The following RYR3 variants were observed in gnomAD, a reference collection of about 807,000 sequenced individuals.
RYR3 encodes the protein brain ryanodine receptor-calcium release channel.
A neutral mutation model predicts 584.3 loss-of-function variants in RYR3; 207 were observed. The observed-to-expected ratio is 0.35, with a 90% CI of 0.32 to 0.40. The LOEUF is 0.40. Ranked by LOEUF, RYR3 falls within the 10% of genes least tolerant of loss-of-function variation. The pLI is 1.00. For missense variants in RYR3, 5,616 were observed against 6,089.2 expected (o/e 0.92, Z 2.59); for synonymous variants, 2,416 against 2,248.5 (o/e 1.07, Z -2.11).
intron 1 of RYR3, among the ~76,000 whole-genome samples, chr15:33,353,540 T>C (rs1308437999): frequency 2.0e-5 from 3 of 152,158 alleles, no homozygotes; most frequent in African/African-American, 7.2e-5. Context: ...CAACTAACCA[T>C]ACTGGTTTGC....
intron 16 of RYR3, among the ~76,000 whole-genome samples, chr15:33,598,916 G>A (rs537447898): frequency 1.8e-4 from 28 of 152,232 alleles, no homozygotes; most frequent in South Asian, 8.3e-4. Flanking sequence ...TTAGCCAGGC[G>A]TGGTGGCAGG....
chr15:33,369,580 A>G (rs542078106), intron 1 of RYR3, among the ~76,000 whole-genome samples: 64 of 151,660 alleles, frequency 4.2e-4, no homozygotes, highest in Non-Finnish European at 5.5e-4. Context: ...TCATCTATCT[A>G]TCTGTCTGTC....
intron 38 of RYR3, 42 bp downstream of exon 38, chr15:33,670,598 A>T: frequency 6.6e-7 from 1 of 1,516,852 alleles, no homozygotes; most frequent in East Asian, 2.3e-5. Context: ...CTCTTCTAAG[A>T]CTTAATTAAT....
chr15:33,725,992 A>AC (rs1567034148), intron 45 of RYR3, among the ~76,000 whole-genome samples: 2 of 141,652 alleles, frequency 1.4e-5, no homozygotes, highest in Non-Finnish European at 3.1e-5. Flanking sequence ...AAAAAAAAAA[A>AC]AAAAACAGAA....
At chr15:33,452,295 C>G (rs1342818134) in intron 1 of RYR3, among the ~76,000 whole-genome samples, 1 of 152,134 alleles carries the variant, frequency 6.6e-6, no homozygotes, top group Non-Finnish European at 1.5e-5. Flanking sequence ...TCCAACTTTC[C>G]AAAGCAGGAC....
At chr15:33,683,156 G>A (rs541393270) in intron 38 of RYR3, among the ~76,000 whole-genome samples, 166 of 151,912 alleles carry the variant, frequency 1.1e-3, no homozygotes, top group Non-Finnish European at 1.6e-3. Context: ...CACCATGCCC[G>A]GCTAATTTTT....
At chr15:33,774,417 T>A (rs1034410276) in intron 64 of RYR3, among the ~76,000 whole-genome samples, 29 of 152,250 alleles carry the variant, frequency 1.9e-4, no homozygotes, top group African/African-American at 6.5e-4. Flanking sequence ...CGGTATCTGC[T>A]TTCTATGTGC....
intron 100 of RYR3, 33 bp from the exon 101 acceptor site, chr15:33,860,562 C>A (rs576730554): frequency 4.6e-5 from 64 of 1,405,224 alleles, no homozygotes; most frequent in Admixed American, 8.0e-5. Context: ...AACCACTACA[C>A]AGATTGCTTT....
intron 1 of RYR3, among the ~76,000 whole-genome samples, chr15:33,463,063 A>G (rs2048175512): frequency 6.6e-6 from 1 of 151,974 alleles, no homozygotes; most frequent in Non-Finnish European, 1.5e-5. Flanking sequence ...GCTACTCAGC[A>G]GGCGGTGGGA....
intron 38 of RYR3, among the ~76,000 whole-genome samples, chr15:33,675,027 G>C (rs1363556196): frequency 5.3e-5 from 8 of 152,194 alleles, no homozygotes; most frequent in Non-Finnish European, 1.5e-5. Context: ...CCCAGGAGGC[G>C]GAGCTTGCAG....
At chr15:33,667,923 T>C (rs1220752548) in intron 36 of RYR3, among the ~76,000 whole-genome samples, 2 of 151,490 alleles carry the variant, frequency 1.3e-5, no homozygotes, top group African/African-American at 2.4e-5. Flanking sequence ...ATTAGCTGAG[T>C]GCGGTGGTGC....
chr15:33,508,829 G>C (rs1483897897), intron 3 of RYR3, among the ~76,000 whole-genome samples: 1 of 152,070 alleles, frequency 6.6e-6, no homozygotes, highest in Non-Finnish European at 1.5e-5. Context: ...ATTTATTCTT[G>C]TCTTTACAGT....
chr15:33,831,169 A>T, intron 86 of RYR3, 78 bp downstream of exon 86: 2 of 1,392,366 alleles, frequency 1.4e-6, no homozygotes, highest in Non-Finnish European at 2.0e-6. Flanking sequence ...CCTACAGAAT[A>T]CTTGATTGTA....
At chr15:33,674,064 G>C (rs1280784165) in intron 38 of RYR3, among the ~76,000 whole-genome samples, 1 of 152,154 alleles carries the variant, frequency 6.6e-6, no homozygotes, top group Non-Finnish European at 1.5e-5. Context: ...CAGAACTGGA[G>C]GTGACCTTGA....
rs2061990922 is a variant in RYR3, at chr15:33,644,487, G to T, written c.3733G>T (p.Val1245Phe). ...MWFSKRLPTFVNVPKDHPHIE... is the reference protein window; with the variant it reads ...MWFSKRLPTFFNVPKDHPHIE... ...GTTCAGCAAGCGCCTCCCGACGTTT[G>T]TCAACGTGCCAAAGGATCATCCACA... Residue 1245 changes from valine (V) to phenylalanine (F), a missense_variant, in exon 28 of 104, where the codon GTC (valine) becomes TTC (phenylalanine). This residue lies in a region of RYR3 where 152 missense variants were observed against 200.9 expected (regional missense o/e 0.76). Coordinates refer to ENST00000634891, the MANE Select transcript of RYR3 (RefSeq NM_001036.6). 6.2e-7 allele frequency: 1 copy of T among 1,613,748 alleles called. No individual in the cohort carries two copies. The highest frequency in any genetic ancestry group is 1.3e-5 in the African/African-American group (1 of 74,930).
intron 1 of RYR3, among the ~76,000 whole-genome samples, chr15:33,424,489 C>T (rs1418567565): frequency 1.3e-5 from 2 of 152,202 alleles, no homozygotes; most frequent in Non-Finnish European, 2.9e-5. Flanking sequence ...AGGCCCTTTG[C>T]AGCGTAGGTC....
At chr15:33,572,959 A>G (rs1450824033) in intron 12 of RYR3, among the ~76,000 whole-genome samples, 4 of 152,218 alleles carry the variant, frequency 2.6e-5, no homozygotes, top group Non-Finnish European at 5.9e-5. Flanking sequence ...GGGCAACAAC[A>G]GCGAAATTCT....
At chr15:33,509,968 GT>G (rs1234925779) in intron 3 of RYR3, among the ~76,000 whole-genome samples, 3 of 152,134 alleles carry the variant, frequency 2.0e-5, no homozygotes, top group Non-Finnish European at 4.4e-5. Flanking sequence ...TAACATTCTG[GT>G]TTCAGATGCT....
At chr15:33,539,596 C>A in intron 6 of RYR3, 134 bp downstream of exon 6, 1 of 568,046 alleles carries the variant, frequency 1.8e-6, no homozygotes, top group East Asian at 2.9e-5. Context: ...GACCCTTAAA[C>A]AATGTAGGGG....
Sources: gnomAD v4.1 joint callset for allele counts (sites outside exome capture counted in the v4.1 genomes callset) on GRCh38, gnomAD v4.1.1 for gene constraint, gnomAD v4.1.1 regional missense constraint, MANE v1.5 for transcripts, NCBI Gene and HGNC (gene_info 2026-07-23, HGNC 2026-07-21) for gene names.